Variants in CPNE2 observed in about 807,000 individuals in gnomAD.
CPNE2 encodes the protein copine 2, also known as copine-2.
Under a neutral mutation model 69.7 loss-of-function variants are expected in CPNE2, and 42 were observed. The ratio of observed to expected loss-of-function variants is 0.60; its 90% CI spans 0.47 to 0.78. The LOEUF is 0.78. Among genes scored for constraint, CPNE2 ranks in the 30% least tolerant of loss-of-function variants. The pLI is 0.00. For missense variants in CPNE2, 587 were observed against 732.0 expected (o/e 0.80, Z 2.29); for synonymous variants, 294 against 289.8 (o/e 1.01, Z -0.15).
At position 57,146,056 on chromosome 16, in the gene CPNE2, T is replaced by G; in HGVS notation, c.1303-29T>G. On this transcript the variant is annotated intron_variant, in intron 14 of 15. Coordinates refer to ENST00000290776, the MANE Select transcript of CPNE2 (RefSeq NM_152727.6). The surrounding 1 kb of genome is among the most constrained non-coding windows in gnomAD (Gnocchi z 4.4). Reference sequence around the variant, plus strand: ...AGGGGTGCCAGAGCCTCGACCTTGCTGAGTGCCCCGTTGGCCCCCTCCCTG... The same window carrying G: ...AGGGGTGCCAGAGCCTCGACCTTGCGGAGTGCCCCGTTGGCCCCCTCCCTG... 6.3e-7 allele frequency: 1 copy of G among 1,580,410 alleles called. No individual in the cohort carries two copies. The highest frequency in any genetic ancestry group is 8.6e-7 in the Non-Finnish European group (1 of 1,156,518).
At chr16:57,099,310 G>T (rs2069598146) in intron 1 of CPNE2, among the ~76,000 whole-genome samples, 1 of 152,198 alleles carries the variant, frequency 6.6e-6, no homozygotes, top group African/African-American at 2.4e-5. Context: ...TATGTGGTCT[G>T]CTGTGTGTTC....
At chr16:57,141,899 G>C (rs1167708593) in intron 14 of CPNE2, 1 of 152,232 alleles carries the variant, frequency 6.6e-6, no homozygotes, top group Non-Finnish European at 1.5e-5. Flanking sequence ...AAAGCAAAAG[G>C]AAGTCATTTA....
chr16:57,117,573 G>T lies in CPNE2; in HGVS notation c.507+6G>T, dbSNP rs1208019088. ...GCAGGAGGCTGGACAAGAAGGTAAG[G>T]CGGGCAGAGGAAGGGCTCCCATTGG... is the stretch of plus-strand genomic sequence containing the variant. On this transcript the variant is annotated splice_donor_region_variant and intron_variant, in intron 5 of 15. Transcript: ENST00000290776. 6.2e-7 allele frequency: 1 copy of T among 1,613,162 alleles called. No individual in the cohort carries two copies. Among genetic ancestry groups the T allele is most frequent in the Non-Finnish European group, 8.5e-7 (1 of 1,179,740 alleles).
intron 7 of CPNE2, among the ~76,000 whole-genome samples, chr16:57,119,958 A>G (rs1024817775): frequency 6.6e-6 from 1 of 152,188 alleles, no homozygotes; most frequent in African/African-American, 2.4e-5. Flanking sequence ...GAGGACAGTG[A>G]TTACCAGTCT....
At position 57,113,306 on chromosome 16, in the gene CPNE2, G is replaced by T; in HGVS notation, c.199G>T (p.Ala67Ser). 6.2e-7 allele frequency: 1 copy of T among 1,613,966 alleles called. No individual in the cohort carries two copies. Among genetic ancestry groups the T allele is most frequent in the Non-Finnish European group, 8.5e-7 (1 of 1,179,918 alleles). The change falls in exon 3 of 16, where the codon GCG (alanine) becomes TCG (serine). Residue 67 changes from alanine to serine, a missense_variant. Physicochemically the swap from Ala to Ser is moderately conservative, Grantham distance 99. Coordinates refer to ENST00000290776, the MANE Select transcript of CPNE2 (RefSeq NM_152727.6). ...CTGCTAGTACGACAGGACAGAAACCGCGATCAACAACCTCAACCCCGCCTT... is the reference window on the plus strand; with the variant it reads ...CTGCTAGTACGACAGGACAGAAACCTCGATCAACAACCTCAACCCCGCCTT... ...RWIEYDRTET[A>S]INNLNPAFSK... is the part of the protein sequence containing the mutation.
intron 1 of CPNE2, among the ~76,000 whole-genome samples, chr16:57,100,257 G>C (rs2069604884): frequency 6.6e-6 from 1 of 152,182 alleles, no homozygotes; most frequent in African/African-American, 2.4e-5. Context: ...AAGTGAAGAA[G>C]GGGGAAGGGC....
chr16:57,118,477 C>G (rs1179545680), intron 5 of CPNE2, among the ~76,000 whole-genome samples: 1 of 151,934 alleles, frequency 6.6e-6, no homozygotes, highest in Non-Finnish European at 1.5e-5. Context: ...CTGGCCCATA[C>G]CTTCTTTACT....
intron 12 of CPNE2, among the ~76,000 whole-genome samples, chr16:57,128,275 G>A (rs1251443895): frequency 6.6e-6 from 1 of 151,990 alleles, no homozygotes; most frequent in Non-Finnish European, 1.5e-5. Context: ...TGTTGCCCAG[G>A]CTGGAGTGCA....
At chr16:57,143,724 G>A (rs1042606375) in intron 14 of CPNE2, 1 of 152,704 alleles carries the variant, frequency 6.5e-6, no homozygotes, top group Admixed American at 6.5e-5. Flanking sequence ...CAGTCCTGCA[G>A]GAACCTGGCC....
chr16:57,144,281 TG>T, intron 14 of CPNE2: 1 of 152,472 alleles, frequency 6.6e-6, no homozygotes, highest in Non-Finnish European at 1.5e-5. Flanking sequence ...TGCCTGGAGC[TG>T]GGGGTGAGGG....
chr16:57,102,752 C>A (rs1225484530), intron 1 of CPNE2, among the ~76,000 whole-genome samples: 1 of 152,102 alleles, frequency 6.6e-6, no homozygotes, highest in Non-Finnish European at 1.5e-5. Context: ...CAGGCACCTA[C>A]CACCATGCCT....
rs150440330 is a variant in CPNE2 at position 57,123,488 on chromosome 16, G to A, written c.927+15G>A. On this transcript the variant is annotated intron_variant, in intron 10 of 15. Transcript: ENST00000290776. ...TCATGTTCACCGTAAGGCTCTCCCC[G>A]CTGGCTCCCTCTGCACCCCCATCCC... The A allele has an allele frequency of 6.0e-3, 9,684 of 1,612,144 alleles. 91 individuals carry two copies. The highest frequency in any genetic ancestry group is 5.5e-3 in the Non-Finnish European group (6,492 of 1,179,712).
chr16:57,104,555 C>T (rs569378899), intron 1 of CPNE2, among the ~76,000 whole-genome samples: 2 of 152,296 alleles, frequency 1.3e-5, no homozygotes, highest in South Asian at 4.1e-4. Flanking sequence ...ATGATGGAGC[C>T]TGCCTGACGA....
chr16:57,107,843 G>A (rs2069657274), intron 1 of CPNE2, among the ~76,000 whole-genome samples: 1 of 149,904 alleles, frequency 6.7e-6, no homozygotes, highest in African/African-American at 2.5e-5. Flanking sequence ...TGTGAGCCCT[G>A]CACGGGCTAA....
rs115848448 is a variant in CPNE2 at position 57,132,993 on chromosome 16, C to A, written c.1117-1782C>A. Among the ~76,000 whole-genome samples the A allele has an allele frequency of 4.2e-3, 636 of 152,296 alleles. 6 individuals carry two copies. Among genetic ancestry groups the A allele is most frequent in the African/African-American group, 0.015 (605 of 41,540 alleles). On this transcript the variant is annotated intron_variant, in intron 12 of 15. Transcript: ENST00000290776. Reference sequence around the variant, plus strand: ...AGGCAAAATATTCCTCCACCCCTATCAGCAGGGGGCTTTCCCACTGTGGTC... The same window carrying A: ...AGGCAAAATATTCCTCCACCCCTATAAGCAGGGGGCTTTCCCACTGTGGTC...
In CPNE2 at chr16:57,148,239, T is replaced by C. The variant is rs1422179476; in HGVS notation, c.*581T>C. The C allele has an allele frequency of 6.6e-6, 1 of 152,258 alleles. No homozygotes were observed. The highest frequency in any genetic ancestry group is 1.5e-5 in the Non-Finnish European group (1 of 68,050). The allele number at this position is 152,258 out of a possible 1,614,324, so 9.4% of individuals were successfully genotyped here. On this transcript the variant is annotated 3_prime_UTR_variant, in exon 16 of 16. Coordinates refer to ENST00000290776, the MANE Select transcript of CPNE2 (RefSeq NM_152727.6). ...TCTAATAAGTTGGTGTAGTCACTTC[T>C]GCATGGGGACATGCATTCCAGATGA...
chr16:57,133,103 C>T (rs1275161770), intron 12 of CPNE2, among the ~76,000 whole-genome samples: 1 of 152,150 alleles, frequency 6.6e-6, no homozygotes, highest in Non-Finnish European at 1.5e-5. Flanking sequence ...TCTCTCTCAG[C>T]CCCTCCATAC....
chr16:57,109,305 G>A (rs532145550), intron 1 of CPNE2, among the ~76,000 whole-genome samples: 25 of 151,616 alleles, frequency 1.6e-4, no homozygotes, highest in African/African-American at 4.3e-4. Flanking sequence ...GTGAAACCTC[G>A]TCTCTACTAA....
intron 11 of CPNE2, 66 bp downstream of exon 11, chr16:57,126,059 C>G: frequency 6.3e-7 from 1 of 1,591,358 alleles, no homozygotes; most frequent in Non-Finnish European, 8.6e-7. Flanking sequence ...CTCAGTGTAT[C>G]AAAGCTAGAA....
Sources: gnomAD v4.1 joint callset for allele counts (sites outside exome capture counted in the v4.1 genomes callset) on GRCh38, gnomAD v4.1.1 for gene constraint, Gnocchi (gnomAD v3.1) non-coding constraint, MANE v1.5 for transcripts, NCBI Gene and HGNC (gene_info 2026-07-23, HGNC 2026-07-21) for gene names.